The following ZNF831 variants were observed in gnomAD, a reference collection of about 807,000 sequenced individuals.
ZNF831 encodes zinc finger protein 831.
A neutral mutation model predicts 95.8 loss-of-function variants in ZNF831; 59 were observed. That is an observed-to-expected ratio of 0.62 (90% CI 0.50 to 0.77). The LOEUF is 0.77. Ranked by LOEUF, ZNF831 falls within the 30% of genes least tolerant of loss-of-function variation. The probability of loss-of-function intolerance (pLI) is 0.00; values close to 1 mark genes in which losing one functional copy is unlikely to be tolerated. For missense variants in ZNF831, 2,205 were observed against 2,164.0 expected (o/e 1.02, Z -0.38); for synonymous variants, 961 against 925.5 (o/e 1.04, Z -0.70).
At chr20:59,141,917 C>A (rs543445799) in intron 1 of ZNF831, among the ~76,000 whole-genome samples, 15 of 152,326 alleles carry the variant, frequency 9.8e-5, no homozygotes, top group South Asian at 4.1e-4. Context: ...CCTGGACCCT[C>A]GTCTCCCAGC....
At chr20:59,184,734 G>A (rs60011472) in intron 1 of ZNF831, among the ~76,000 whole-genome samples, 5,461 of 152,094 alleles carry the variant, frequency 0.036, 344 homozygotes, top group African/African-American at 0.13. Context: ...CTTCTCTTTC[G>A]GGGCCCTAAA....
chr20:59,132,447 C>T (rs536808173), intron 1 of ZNF831, among the ~76,000 whole-genome samples: 1 of 152,186 alleles, frequency 6.6e-6, no homozygotes, highest in Non-Finnish European at 1.5e-5. Context: ...TACTATTTCA[C>T]ATGCCCATCA....
chr20:59,249,377 C>T lies in ZNF831; in HGVS notation c.4028-3601C>T, dbSNP rs141470076. Among the ~76,000 whole-genome samples, 234 of 152,294 alleles carry T rather than the reference C, an allele frequency of 1.5e-3. 1 individual carries two copies. The highest frequency in any genetic ancestry group is 5.0e-3 in the African/African-American group (207 of 41,566). Reference sequence around the variant, plus strand: ...CCTGTAATACTCTCATTTTCACTCTCGGTAATATCCCCGTCCTCGATTTAT... The same window carrying T: ...CCTGTAATACTCTCATTTTCACTCTTGGTAATATCCCCGTCCTCGATTTAT... On this transcript the variant is annotated intron_variant, in intron 4 of 5. Transcript: ENST00000371030.
chr20:59,198,164 C>A (rs147657006), intron 3 of ZNF831, among the ~76,000 whole-genome samples: 1 of 152,234 alleles, frequency 6.6e-6, no homozygotes, highest in East Asian at 1.9e-4. Context: ...AGACTGGAGC[C>A]CAGGAGGCTT....
intron 4 of ZNF831, among the ~76,000 whole-genome samples, chr20:59,249,058 C>T (rs947385707): frequency 4.6e-5 from 7 of 152,258 alleles, no homozygotes; most frequent in African/African-American, 1.7e-4. Context: ...ACATTGGCCC[C>T]CCATGGGTCT....
chr20:59,171,960 G>A (rs1325145797), intron 1 of ZNF831, among the ~76,000 whole-genome samples: 1 of 152,122 alleles, frequency 6.6e-6, no homozygotes, highest in African/African-American at 2.4e-5. Context: ...GTGGCAACAG[G>A]TCCCTTTGAG....
At chr20:59,146,022 G>A (rs1485166841) in intron 1 of ZNF831, among the ~76,000 whole-genome samples, 3 of 152,092 alleles carry the variant, frequency 2.0e-5, no homozygotes, top group African/African-American at 4.8e-5. Flanking sequence ...AAACCCAGCC[G>A]TGTAGCTGCC....
Position 59,199,242 on chromosome 20 carries a change from C to T in ZNF831, c.3875+3237C>T, listed in dbSNP as rs181201732. Reference sequence around the variant, plus strand: ...TTCTACAGAAAATGAAATACTGTAGCAGAGATTGCTCTATAGTCCTTAGCT... The same window carrying T: ...TTCTACAGAAAATGAAATACTGTAGTAGAGATTGCTCTATAGTCCTTAGCT... On this transcript the variant is annotated intron_variant, in intron 3 of 5. Coordinates refer to ENST00000371030, the MANE Select transcript of ZNF831 (RefSeq NM_178457.3). 1.0e-3 allele frequency among the ~76,000 whole-genome samples: 156 copies of T among 152,064 alleles called. 1 individual carries two copies. The highest frequency in any genetic ancestry group is 3.6e-3 in the African/African-American group (149 of 41,470).
intron 2 of ZNF831, among the ~76,000 whole-genome samples, chr20:59,150,811 C>T (rs187353258): frequency 2.2e-4 from 34 of 152,280 alleles, no homozygotes; most frequent in East Asian, 9.6e-4. Context: ...GTTGGTGTGG[C>T]GCACCCGAAC....
intron 2 of ZNF831, among the ~76,000 whole-genome samples, chr20:59,151,983 G>T (rs914162849): frequency 6.6e-6 from 1 of 152,138 alleles, no homozygotes; most frequent in Non-Finnish European, 1.5e-5. Flanking sequence ...GCCAGTCTCT[G>T]GCTGAGTGGT....
At chr20:59,175,516 G>A (rs949865470) in intron 1 of ZNF831, among the ~76,000 whole-genome samples, 1 of 150,758 alleles carries the variant, frequency 6.6e-6, no homozygotes, top group Non-Finnish European at 1.5e-5. Flanking sequence ...CTTTTTTTCT[G>A]TCCTGTCCAT....
rs2146560250 is a variant in ZNF831, at chr20:59,192,131, C to A, written c.1112C>A (p.Ala371Asp). 6.4e-6 allele frequency: 10 copies of A among 1,570,632 alleles called. No homozygotes were observed. The highest frequency in any genetic ancestry group is 7.7e-6 in the Non-Finnish European group (9 of 1,164,388). ...CTGCACAGCCTTTCGGAGCACAGCG[C>A]CGAGTCCGAGGGGGAGGGCGGCCCG... ...SPLHSLSEHSAESEGEGGPGP... is the reference protein window; with the variant it reads ...SPLHSLSEHSDESEGEGGPGP... The change falls in exon 2 of 6, where the codon GCC (alanine) becomes GAC (aspartate). Residue 371 changes from alanine (A) to aspartate (D), a missense_variant. Transcript: ENST00000371030. This position sits in a 1 kb window ranked among gnomAD's most constrained non-coding sequence, Gnocchi z 5.2.
rs530979709 is a variant in ZNF831 at position 59,250,104 on chromosome 20, T to C, written c.4028-2874T>C. 1.7e-3 allele frequency among the ~76,000 whole-genome samples: 264 copies of C among 152,312 alleles called. 2 individuals carry two copies. Among genetic ancestry groups the C allele is most frequent in the African/African-American group, 5.9e-3 (247 of 41,570 alleles). On this transcript the variant is annotated intron_variant, in intron 4 of 5. Coordinates refer to ENST00000371030, the MANE Select transcript of ZNF831 (RefSeq NM_178457.3). ...GCAATCAGACTTCATTCCCACTCCG[T>C]TTCTACTTCTCAGAGCTTGGTAACT...
intron 4 of ZNF831, among the ~76,000 whole-genome samples, chr20:59,231,080 A>C (rs1317511350): frequency 6.6e-6 from 1 of 152,198 alleles, no homozygotes; most frequent in Non-Finnish European, 1.5e-5. Context: ...AGAAAGAAGA[A>C]AAGAGGAAGG....
chr20:59,158,352 G>C (rs969068303), intron 2 of ZNF831, among the ~76,000 whole-genome samples: 1 of 152,242 alleles, frequency 6.6e-6, no homozygotes, highest in Non-Finnish European at 1.5e-5. Flanking sequence ...TTCCAGAAAG[G>C]GTCCAGGGGG....
At chr20:59,149,610 G>A (rs183906673) in intron 2 of ZNF831, among the ~76,000 whole-genome samples, 2 of 152,260 alleles carry the variant, frequency 1.3e-5, no homozygotes, top group Non-Finnish European at 2.9e-5. Flanking sequence ...GTTCCCTCCT[G>A]AGTGAGCGCC....
chr20:59,226,876 T>G (rs1986462652), intron 4 of ZNF831, among the ~76,000 whole-genome samples: 1 of 152,080 alleles, frequency 6.6e-6, no homozygotes, highest in Non-Finnish European at 1.5e-5. Flanking sequence ...GATTTAGTCC[T>G]TTTAGAATCC....
intron 2 of ZNF831, among the ~76,000 whole-genome samples, chr20:59,155,024 G>C (rs898434505): frequency 1.3e-5 from 2 of 152,204 alleles, no homozygotes; most frequent in Non-Finnish European, 1.5e-5. Context: ...ATTCTCCCCT[G>C]ATCTTACAGC....
intron 1 of ZNF831, among the ~76,000 whole-genome samples, chr20:59,183,436 C>G (rs910956201): frequency 6.6e-6 from 1 of 152,182 alleles, no homozygotes; most frequent in South Asian, 2.1e-4. Context: ...CTCAGGTGTG[C>G]GAGAGCATGC....
Sources: gnomAD v4.1 joint callset for allele counts (sites outside exome capture counted in the v4.1 genomes callset) on GRCh38, gnomAD v4.1.1 for gene constraint, Gnocchi (gnomAD v3.1) non-coding constraint, MANE v1.5 for transcripts, NCBI Gene and HGNC (gene_info 2026-07-23, HGNC 2026-07-21) for gene names.